Variants in UHRF2 observed in about 807,000 individuals in gnomAD.
UHRF2 encodes the protein E3 ubiquitin-protein ligase UHRF2.
A neutral mutation model predicts 96.8 loss-of-function variants in UHRF2; 23 were observed. That is an observed-to-expected ratio of 0.24 (90% CI 0.17 to 0.34). The LOEUF is 0.34. UHRF2 is among the 10% of genes least tolerant of loss of function. The pLI is 1.00. For synonymous variants in UHRF2, 385 were observed against 332.6 expected (o/e 1.16, Z -1.72); for missense variants, 685 against 981.5 (o/e 0.70, Z 4.04).
intron 3 of UHRF2, among the ~76,000 whole-genome samples, chr9:6,454,437 A>G (rs772942505): frequency 4.6e-5 from 7 of 152,190 alleles, no homozygotes; most frequent in Non-Finnish European, 7.4e-5. Context: ...CGATTTCTTC[A>G]TGGACTTAAG....
intron 2 of UHRF2, among the ~76,000 whole-genome samples, chr9:6,428,636 A>G (rs952523803): frequency 2.8e-5 from 4 of 143,912 alleles, no homozygotes; most frequent in Admixed American, 1.5e-4. Context: ...TGCAGCCCCA[A>G]CCTTCTGGGC....
intron 6 of UHRF2, among the ~76,000 whole-genome samples, chr9:6,478,303 G>T (rs1336928896): frequency 6.6e-6 from 1 of 152,190 alleles, no homozygotes; most frequent in Non-Finnish European, 1.5e-5. Context: ...ACTTCAAGAC[G>T]ATACTAATCC....
At chr9:6,416,664 C>A (rs923560373) in intron 1 of UHRF2, among the ~76,000 whole-genome samples, 1 of 151,664 alleles carries the variant, frequency 6.6e-6, no homozygotes, top group African/African-American at 2.4e-5. Flanking sequence ...CTCAGCCTCC[C>A]GAGTAGCTGG....
chr9:6,440,845 G>A (rs973636984), intron 3 of UHRF2, among the ~76,000 whole-genome samples: 2 of 152,142 alleles, frequency 1.3e-5, no homozygotes, highest in East Asian at 1.9e-4. Flanking sequence ...AGACCTCTCC[G>A]CATAGAATTT....
At position 6,454,872 on chromosome 9, in the gene UHRF2, C is replaced by T. The variant is rs1267051682; in HGVS notation, c.645-5701C>T. Among the ~76,000 whole-genome samples, 7 of 152,280 alleles carry T rather than the reference C, an allele frequency of 4.6e-5. No individual in the cohort carries two copies. The East Asian group carries it at 9.6e-4, about 21-fold the overall frequency. On this transcript the variant is annotated intron_variant, in intron 3 of 15. Coordinates refer to ENST00000276893, the MANE Select transcript of UHRF2 (RefSeq NM_152896.3). The stretch of plus-strand genomic sequence containing the variant: ...TGGGTTTTTAAACTTGAGCATGCAT[C>T]GGAATCACTGAGGGGATTTGTAAAT...
Position 6,434,147 on chromosome 9 carries a change from C to A in UHRF2, c.618C>A (p.Asp206Glu). 6.2e-7 allele frequency: 1 copy of A among 1,613,852 alleles called. No individual in the cohort carries two copies. Among genetic ancestry groups the A allele is most frequent in the Non-Finnish European group, 8.5e-7 (1 of 1,179,922 alleles). ...CAGACTGTGTTGCTGCTGATGAAGACGTTATTTACCATATCCAGTATGATG... is the reference window on the plus strand; with the variant it reads ...CAGACTGTGTTGCTGCTGATGAAGAAGTTATTTACCATATCCAGTATGATG... ...SNSDCVAADE[D>E]VIYHIQYDEY... The change falls in exon 3 of 16, where the codon GAC (aspartate) becomes GAA (glutamate). Residue 206 changes from aspartate (D) to glutamate (E), a missense_variant. Coordinates refer to ENST00000276893, the MANE Select transcript of UHRF2 (RefSeq NM_152896.3).
chr9:6,448,037 A>C (rs1187680982), intron 3 of UHRF2, among the ~76,000 whole-genome samples: 2 of 152,194 alleles, frequency 1.3e-5, no homozygotes, highest in Non-Finnish European at 2.9e-5. Flanking sequence ...GATTCAATAT[A>C]GGAGGTAATG....
intron 14 of UHRF2, 120 bp from the exon 15 acceptor site, chr9:6,504,473 T>C (rs1376008444): frequency 4.8e-6 from 3 of 621,326 alleles, no homozygotes; most frequent in Non-Finnish European, 8.3e-6. Flanking sequence ...TAAACATCTT[T>C]TATGCTGGGA....
At chr9:6,435,025 T>C (rs972689386) in intron 3 of UHRF2, among the ~76,000 whole-genome samples, 5 of 151,450 alleles carry the variant, frequency 3.3e-5, no homozygotes, top group African/African-American at 1.2e-4. Context: ...ATTTTAGTTT[T>C]GAGACAGATT....
chr9:6,417,259 T>C (rs530857964), intron 1 of UHRF2, among the ~76,000 whole-genome samples: 1 of 152,292 alleles, frequency 6.6e-6, no homozygotes, highest in African/African-American at 2.4e-5. Flanking sequence ...CTCAGTAAAA[T>C]TTCAAGAGTG....
At chr9:6,450,253 C>G (rs1821774828) in intron 3 of UHRF2, among the ~76,000 whole-genome samples, 1 of 151,298 alleles carries the variant, frequency 6.6e-6, no homozygotes, top group Non-Finnish European at 1.5e-5. Context: ...AAAAACAAAC[C>G]CCACCCATTA....
intron 4 of UHRF2, among the ~76,000 whole-genome samples, chr9:6,469,773 T>C (rs1233253679): frequency 2.7e-5 from 4 of 148,344 alleles, no homozygotes; most frequent in Admixed American, 1.3e-4. Context: ...CGTATATATG[T>C]GTGTATATAT....
intron 9 of UHRF2, 91 bp from the exon 10 acceptor site, chr9:6,493,735 C>A: frequency 9.0e-7 from 1 of 1,113,562 alleles, no homozygotes; most frequent in Non-Finnish European, 1.3e-6. Context: ...CAACTCATAA[C>A]ATCCTAATGA....
At chr9:6,478,868 A>G (rs141090109) in intron 6 of UHRF2, among the ~76,000 whole-genome samples, 40 of 152,262 alleles carry the variant, frequency 2.6e-4, no homozygotes, top group Non-Finnish European at 4.0e-4. Context: ...ACCTCATATG[A>G]TCACACTCTG....
chr9:6,490,348 C>G (rs1277247350), intron 9 of UHRF2, among the ~76,000 whole-genome samples: 2 of 152,192 alleles, frequency 1.3e-5, no homozygotes, highest in Non-Finnish European at 2.9e-5. Context: ...TTAAATAAGG[C>G]CAGTCACAGT....
At position 6,456,850 on chromosome 9, in the gene UHRF2, T is replaced by C. The variant is rs1822209258; in HGVS notation, c.645-3723T>C. On this transcript the variant is annotated intron_variant, in intron 3 of 15. Transcript: ENST00000276893. ...CAAAGATCAGATAGTTGAAGATGTGTGGCGTTATTTCTGAGACCTCTGTTC... is the reference window on the plus strand; with the variant it reads ...CAAAGATCAGATAGTTGAAGATGTGCGGCGTTATTTCTGAGACCTCTGTTC... Among the ~76,000 whole-genome samples the C allele has an allele frequency of 2.6e-5, 4 of 152,190 alleles. No homozygotes were observed. In the South Asian group the frequency reaches 8.3e-4, roughly 32 times the overall value.
chr9:6,454,745 T>G (rs1052062151), intron 3 of UHRF2, among the ~76,000 whole-genome samples: 17 of 152,216 alleles, frequency 1.1e-4, no homozygotes, highest in African/African-American at 4.1e-4. Context: ...TGGGTAACGG[T>G]TCAAGATTTC....
intron 3 of UHRF2, among the ~76,000 whole-genome samples, chr9:6,457,780 T>A (rs1022647497): frequency 1.3e-5 from 2 of 152,234 alleles, no homozygotes; most frequent in African/African-American, 4.8e-5. Context: ...TTTTTGTCAT[T>A]AGTTCTGTTT....
At chr9:6,418,123 T>C (rs1485431370) in intron 1 of UHRF2, among the ~76,000 whole-genome samples, 2 of 152,160 alleles carry the variant, frequency 1.3e-5, no homozygotes, top group East Asian at 3.8e-4. Flanking sequence ...CCTCCAGAAT[T>C]AGTAAGGTAT....
Sources: gnomAD v4.1 joint callset for allele counts (sites outside exome capture counted in the v4.1 genomes callset) on GRCh38, gnomAD v4.1.1 for gene constraint, MANE v1.5 for transcripts, NCBI Gene and HGNC (gene_info 2026-07-23, HGNC 2026-07-21) for gene names.